The following NUP210L variants were observed in gnomAD, a reference collection of about 807,000 sequenced individuals.
NUP210L encodes the protein nucleoporin 210 like, also known as nuclear pore membrane glycoprotein 210-like.
A neutral mutation model predicts 208.5 loss-of-function variants in NUP210L; 74 were observed. That is an observed-to-expected ratio of 0.35 (90% CI 0.29 to 0.43). The LOEUF (loss-of-function observed/expected upper bound fraction) is 0.43. Among genes scored for constraint, NUP210L ranks in the 20% least tolerant of loss-of-function variants. The pLI, the probability that NUP210L is intolerant of heterozygous loss-of-function variation, is 1.00. For synonymous variants in NUP210L, 780 were observed against 816.9 expected (o/e 0.95, Z 0.77); for missense variants, 1,843 against 2,289.4 (o/e 0.81, Z 3.98).
chr1:154,020,420 A>G (rs1166258826), intron 32 of NUP210L, among the ~76,000 whole-genome samples: 1 of 151,872 alleles, frequency 6.6e-6, no homozygotes, highest in Non-Finnish European at 1.5e-5. Flanking sequence ...GTGCGATCAT[A>G]GCTTACTGCA....
intron 7 of NUP210L, among the ~76,000 whole-genome samples, 184 bp from the exon 8 acceptor site, chr1:154,129,529 T>C (rs1223306660): frequency 6.6e-6 from 1 of 152,254 alleles, no homozygotes; most frequent in Non-Finnish European, 1.5e-5. Flanking sequence ...GAGGGACTCT[T>C]AGTCATCTTA....
rs151085838 is a variant in NUP210L, at chr1:154,027,815, T to C, written c.3856-218A>G. Among the ~76,000 whole-genome samples the C allele has an allele frequency of 8.1e-4, 123 of 152,320 alleles. 1 individual carries two copies. Among genetic ancestry groups the C allele is most frequent in the African/African-American group, 2.8e-3 (118 of 41,572 alleles). On this transcript the variant is annotated intron_variant, in intron 28 of 39. Coordinates refer to ENST00000368559, the Ensembl canonical transcript of NUP210L. ...ACGTAACTAGATATTCTAGAAGATA[T>C]AACCTAATGTTAGCCCTGTTTCTGA...
exon 35 of NUP210L, chr1:154,010,037 T>C: frequency 1.9e-6 from 3 of 1,613,712 alleles, no homozygotes; most frequent in Non-Finnish European, 2.5e-6. Flanking sequence ...TAGCAAAGTA[T>C]TACTGAACTG....
intron 4 of NUP210L, 94 bp downstream of exon 4, chr1:154,141,337 C>A: frequency 1.3e-6 from 1 of 784,408 alleles, no homozygotes; most frequent in Non-Finnish European, 2.3e-6. Flanking sequence ...GCAGGGTCAT[C>A]AAAGTCCACA....
chr1:154,077,369 A>C (rs1655091127), intron 16 of NUP210L, among the ~76,000 whole-genome samples: 1 of 151,918 alleles, frequency 6.6e-6, no homozygotes. Context: ...CTGTCTCAAA[A>C]AAATAAATAA....
chr1:154,106,367 G>T (rs1210315485), intron 12 of NUP210L, among the ~76,000 whole-genome samples: 1 of 152,172 alleles, frequency 6.6e-6, no homozygotes, highest in Non-Finnish European at 1.5e-5. Flanking sequence ...GATTTCTAAG[G>T]TTCCTGACTC....
chr1:153,995,539 T>TA (rs1649797184), intron 37 of NUP210L: 1 of 643,158 alleles, frequency 1.6e-6, no homozygotes, highest in African/African-American at 1.8e-5. Context: ...TTCTTCCTCT[T>TA]AGATTTCAAA....
At chr1:154,135,493 C>T (rs976583745) in intron 7 of NUP210L, among the ~76,000 whole-genome samples, 1 of 151,544 alleles carries the variant, frequency 6.6e-6, no homozygotes, top group East Asian at 1.9e-4. Context: ...ACGATTTTGG[C>T]TCACTGCAAC....
chr1:154,042,538 T>C (rs536115961), intron 27 of NUP210L, among the ~76,000 whole-genome samples: 176 of 152,050 alleles, frequency 1.2e-3, no homozygotes, highest in Middle Eastern at 3.4e-3. Flanking sequence ...GCCATTATCC[T>C]GCCTCAGCCT....
At chr1:154,070,306 T>C (rs1654643518) in exon 17 of NUP210L, 1 of 1,610,736 alleles carries the variant, frequency 6.2e-7, no homozygotes, top group Non-Finnish European at 8.5e-7. Flanking sequence ...CCATCATCTT[T>C]TGCTACCATT....
chr1:154,048,069 G>A (rs867280362), intron 25 of NUP210L, among the ~76,000 whole-genome samples: 2 of 152,150 alleles, frequency 1.3e-5, no homozygotes, highest in Non-Finnish European at 1.5e-5. Flanking sequence ...TGTGGAGGAA[G>A]GAAAGTATAT....
At chr1:154,138,014 G>GT in intron 6 of NUP210L, 92 bp downstream of exon 6, 1 of 911,432 alleles carries the variant, frequency 1.1e-6, no homozygotes, top group Non-Finnish European at 1.6e-6. Flanking sequence ...AAAAACACAA[G>GT]TATTTTTCAT....
Position 154,019,736 on chromosome 1 carries a change from G to A in NUP210L, c.4517-667C>T, listed in dbSNP as rs528090620. On this transcript the variant is annotated intron_variant, in intron 32 of 39. Transcript: ENST00000368559. ...GAGGTCAGGAGTTCGAGACCAGCCT[G>A]ACCAACATGGTGAAACCCCATCCTA... Among the ~76,000 whole-genome samples, 286 of 152,248 alleles carry A rather than the reference G, an allele frequency of 1.9e-3. 4 individuals carry two copies. Among genetic ancestry groups the A allele is most frequent in the Non-Finnish European group, 4.1e-4 (28 of 68,016 alleles).
chr1:154,082,196 A>G (rs1362726668), intron 16 of NUP210L, among the ~76,000 whole-genome samples: 1 of 152,134 alleles, frequency 6.6e-6, no homozygotes, highest in African/African-American at 2.4e-5. Flanking sequence ...ACAAATTACC[A>G]AACTTGTTGG....
intron 17 of NUP210L, among the ~76,000 whole-genome samples, chr1:154,062,567 C>CTTTTTTTTTTTTTTTTTTTTTTTT (rs34499821): frequency 2.5e-4 from 19 of 74,994 alleles, no homozygotes; most frequent in Admixed American, 6.1e-4. Flanking sequence ...TTTCTTTTTC[C>CTTTTTTTTTTTTTTTTTTTTTTTT]TTTTTTTTTT....
chr1:154,051,913 A>G (rs1050286927), intron 25 of NUP210L, among the ~76,000 whole-genome samples: 5 of 152,218 alleles, frequency 3.3e-5, no homozygotes, highest in Non-Finnish European at 4.4e-5. Flanking sequence ...ATTTTTCTCT[A>G]TATGGAATAT....
At chr1:154,093,800 AG>A (rs1656045143) in intron 15 of NUP210L, among the ~76,000 whole-genome samples, 1 of 152,210 alleles carries the variant, frequency 6.6e-6, no homozygotes, top group African/African-American at 2.4e-5. Flanking sequence ...TGATTTTGAT[AG>A]AAGTACAGCA....
chr1:154,147,858 T>C (rs1353772863), intron 2 of NUP210L, among the ~76,000 whole-genome samples: 3 of 149,810 alleles, frequency 2.0e-5, no homozygotes, highest in Non-Finnish European at 4.5e-5. Flanking sequence ...GGTTTCACCA[T>C]GTTGGCAAGC....
intron 17 of NUP210L, among the ~76,000 whole-genome samples, chr1:154,065,892 C>CAA (rs58053478): frequency 0.017 from 1,032 of 61,090 alleles, 44 homozygotes; most frequent in Middle Eastern, 0.06. Flanking sequence ...GACTCTGTCT[C>CAA]AAAAAAAAAA....
Sources: allele counts gnomAD v4.1 joint callset (sites outside exome capture counted in the v4.1 genomes callset), GRCh38; gene constraint gnomAD v4.1.1; transcripts MANE v1.5; gene names NCBI Gene and HGNC (gene_info 2026-07-23, HGNC 2026-07-21).